PPFIBP2: variants seen among roughly 807,000 people sequenced by gnomAD.
The protein encoded by PPFIBP2 is liprin-beta-2.
PPFIBP2 carries 118 observed loss-of-function variants against 118.3 expected under a neutral mutation model. That is an observed-to-expected ratio of 1.00 (90% confidence interval 0.86 to 1.16). The LOEUF is 1.16. Among genes scored for constraint, PPFIBP2 ranks in the 50% most tolerant of loss-of-function variants. PPFIBP2 has a pLI of 0.00. For synonymous variants in PPFIBP2, 414 were observed against 397.4 expected, an observed-to-expected ratio of 1.04 and a Z score of -0.50; for missense variants, 1,195 against 1,073.1, an observed-to-expected ratio of 1.11 and a Z score of -1.59.
At chr11:7,532,556 C>T (rs35714133) in intron 1 of PPFIBP2, among the ~76,000 whole-genome samples, 9,906 of 152,272 alleles carry the variant, frequency 0.065, 482 homozygotes, top group Admixed American at 0.16. Flanking sequence ...AGCTCCAGGC[C>T]GAGCTGTTTA....
intron 1 of PPFIBP2, among the ~76,000 whole-genome samples, chr11:7,519,920 G>C (rs920820967): frequency 6.6e-6 from 1 of 152,136 alleles, no homozygotes; most frequent in African/African-American, 2.4e-5. Context: ...ACCAGTAGGT[G>C]AGATCAGTGA....
chr11:7,654,837 C>T (rs1025029978), downstream of PPFIBP2, among the ~76,000 whole-genome samples: 2 of 152,214 alleles, frequency 1.3e-5, no homozygotes, highest in African/African-American at 4.8e-5. Context: ...CCTTTGTGGG[C>T]TTGTTTTCCT....
intron 2 of PPFIBP2, among the ~76,000 whole-genome samples, chr11:7,557,989 G>A (rs11041449): frequency 0.5 from 76,568 of 151,872 alleles, 20,765 homozygotes; most frequent in African/African-American, 0.71. Flanking sequence ...CTCCATTTAC[G>A]TGGTAAAAGG....
At chr11:7,666,115 G>A in the PPFIBP2 span, 1 of 621,608 alleles carries the variant, frequency 1.6e-6, no homozygotes, top group Non-Finnish European at 2.9e-6. Flanking sequence ...GGTGAGTGGT[G>A]AAGGGGTCAG....
At chr11:7,557,984 T>C (rs1590230478) in intron 2 of PPFIBP2, among the ~76,000 whole-genome samples, 1 of 152,232 alleles carries the variant, frequency 6.6e-6, no homozygotes, top group African/African-American at 2.4e-5. Context: ...AAGAACTCCA[T>C]TTACGTGGTA....
chr11:7,597,681 C>A lies in PPFIBP2; in HGVS notation c.486+8C>A. ...GAAGAGATGCTTCAACAGGTAAGGG[C>A]GGGTGCACTGAAGGCCCTTGGGTGC... is the stretch of plus-strand genomic sequence containing the variant. On this transcript the variant is annotated splice_region_variant and intron_variant, in intron 5 of 23. Transcript: ENST00000299492. 1 of 1,610,062 alleles carries A rather than the reference C, an allele frequency of 6.2e-7. No homozygotes were observed. The highest frequency in any genetic ancestry group is 8.5e-7 in the Non-Finnish European group (1 of 1,176,906).
chr11:7,529,403 A>G (rs1375345918), intron 1 of PPFIBP2, among the ~76,000 whole-genome samples: 1 of 152,218 alleles, frequency 6.6e-6, no homozygotes, highest in Non-Finnish European at 1.5e-5. Flanking sequence ...ACCTTCCCTC[A>G]GTAATTCCTG....
At chr11:7,626,897 G>A (rs1850089565) in intron 8 of PPFIBP2, among the ~76,000 whole-genome samples, 1 of 152,232 alleles carries the variant, frequency 6.6e-6, no homozygotes, top group Admixed American at 6.5e-5. Flanking sequence ...AATGGCTTAG[G>A]CTGGAGAAGG....
At chr11:7,599,872 C>T (rs999507951) in intron 5 of PPFIBP2, among the ~76,000 whole-genome samples, 28 of 150,506 alleles carry the variant, frequency 1.9e-4, no homozygotes, top group African/African-American at 6.9e-4. Context: ...TCTCAATCTC[C>T]TGACCTCATG....
intron 1 of PPFIBP2, among the ~76,000 whole-genome samples, chr11:7,519,365 G>C (rs1849527021): frequency 6.6e-6 from 1 of 152,182 alleles, no homozygotes; most frequent in Non-Finnish European, 1.5e-5. Context: ...CAGAGGTCGG[G>C]TTGTGATCTG....
At chr11:7,608,866 T>C (rs1847726797) in intron 5 of PPFIBP2, among the ~76,000 whole-genome samples, 3 of 152,234 alleles carry the variant, frequency 2.0e-5, no homozygotes, top group Admixed American at 2.0e-4. Flanking sequence ...CTCCATTGCA[T>C]TGGACGCACT....
intron 5 of PPFIBP2, among the ~76,000 whole-genome samples, chr11:7,602,925 A>G (rs971694586): frequency 1.3e-5 from 2 of 152,196 alleles, no homozygotes; most frequent in Non-Finnish European, 2.9e-5. Context: ...GAGGATGACA[A>G]TATGGACTCT....
intron 1 of PPFIBP2, among the ~76,000 whole-genome samples, chr11:7,537,562 T>C (rs959891291): frequency 2.0e-5 from 3 of 152,354 alleles, no homozygotes; most frequent in East Asian, 3.9e-4. Context: ...CCTTGAAAGA[T>C]AGACTCTCAT....
At chr11:7,665,105 GCTTTGTA>G in the PPFIBP2 span, 1 of 300,002 alleles carries the variant, frequency 3.3e-6, no homozygotes, top group Non-Finnish European at 6.2e-6. Context: ...TGGGCTGTCT[GCTTTGTA>G]CTTGAGTTTA....
chr11:7,660,317 C>G (rs1361566573), downstream of PPFIBP2, among the ~76,000 whole-genome samples: 10 of 116,390 alleles, frequency 8.6e-5, no homozygotes, highest in South Asian at 3.2e-4. Flanking sequence ...TTTTGAAATA[C>G]GTCCCATCAA....
intron 3 of PPFIBP2, among the ~76,000 whole-genome samples, chr11:7,590,946 T>C (rs997556152): frequency 1.3e-4 from 20 of 152,228 alleles, no homozygotes; most frequent in Admixed American, 1.2e-3. Context: ...GCAATTGATT[T>C]GATTTTACCA....
At chr11:7,612,921 A>G (rs1022120710) in intron 6 of PPFIBP2, among the ~76,000 whole-genome samples, 10 of 152,220 alleles carry the variant, frequency 6.6e-5, no homozygotes, top group African/African-American at 2.4e-4. Flanking sequence ...CACTATTGTC[A>G]TGTGCATGGA....
At chr11:7,656,834 TG>T, downstream of PPFIBP2, 1 of 1,287,414 alleles carries the variant, frequency 7.8e-7, no homozygotes, top group Non-Finnish European at 1.0e-6. Context: ...GAGGCATGTG[TG>T]GGGGCCCCGG....
downstream of PPFIBP2, chr11:7,655,586 C>T (rs1854609103): frequency 9.2e-7 from 1 of 1,083,570 alleles, no homozygotes; most frequent in Non-Finnish European, 1.2e-6. Context: ...TGCACAAGGC[C>T]TGGGGGACGG....
Sources: allele counts gnomAD v4.1 joint callset (sites outside exome capture counted in the v4.1 genomes callset), GRCh38; gene constraint gnomAD v4.1.1; transcripts MANE v1.5; gene names NCBI Gene and HGNC (gene_info 2026-07-23, HGNC 2026-07-21).